CDK6: variants seen among roughly 807,000 people sequenced by gnomAD.
CDK6 encodes cyclin dependent kinase 6.
A neutral mutation model predicts 37.1 loss-of-function variants in CDK6; 6 were observed. That is an observed-to-expected ratio of 0.16 (90% CI 0.09 to 0.32). The LOEUF is 0.32. CDK6 is among the 10% of genes least tolerant of loss of function. The pLI is 1.00. For synonymous variants in CDK6, 160 were observed against 161.3 expected, an observed-to-expected ratio of 0.99 and a Z score of 0.06; for missense variants, 224 against 418.9, an observed-to-expected ratio of 0.53 and a Z score of 4.06.
At chr7:92,683,239 C>T (rs1562934580) in intron 4 of CDK6, among the ~76,000 whole-genome samples, 2 of 152,148 alleles carry the variant, frequency 1.3e-5, no homozygotes, top group South Asian at 4.1e-4. Context: ...TGAGAGGCCA[C>T]ATTATTACTC....
At chr7:92,668,333 A>G (rs1165090100) in intron 5 of CDK6, among the ~76,000 whole-genome samples, 1 of 152,218 alleles carries the variant, frequency 6.6e-6, no homozygotes, top group East Asian at 1.9e-4. Flanking sequence ...CTAACAATGC[A>G]TTTCTCAGAA....
chr7:92,675,550 T>C (rs1797183965), intron 4 of CDK6, among the ~76,000 whole-genome samples: 1 of 152,238 alleles, frequency 6.6e-6, no homozygotes, highest in Non-Finnish European at 1.5e-5. Flanking sequence ...CTTATATTCA[T>C]AAATGAGGCT....
intron 2 of CDK6, among the ~76,000 whole-genome samples, chr7:92,826,845 TTCAA>T (rs1354899198): frequency 6.6e-6 from 1 of 152,142 alleles, no homozygotes; most frequent in African/African-American, 2.4e-5. Flanking sequence ...GGTTTAAAAT[TTCAA>T]TCAATCAGGA....
At chr7:92,827,330 GA>G (rs1352901938) in intron 2 of CDK6, among the ~76,000 whole-genome samples, 15 of 152,136 alleles carry the variant, frequency 9.9e-5, no homozygotes, top group African/African-American at 3.6e-4. Flanking sequence ...AAAGCCAGTA[GA>G]TATCCAAATT....
At chr7:92,748,264 C>A (rs1484611020) in intron 3 of CDK6, among the ~76,000 whole-genome samples, 1 of 152,144 alleles carries the variant, frequency 6.6e-6, no homozygotes, top group Non-Finnish European at 1.5e-5. Flanking sequence ...GCAAAAAAGG[C>A]ATTTTATAGT....
intron 2 of CDK6, among the ~76,000 whole-genome samples, chr7:92,802,661 A>G (rs975037026): frequency 1.3e-5 from 2 of 152,212 alleles, no homozygotes; most frequent in African/African-American, 4.8e-5. Flanking sequence ...TTTACAATAT[A>G]TGATCATTTC....
chr7:92,689,693 C>T (rs1049300775), intron 4 of CDK6, among the ~76,000 whole-genome samples: 1 of 152,122 alleles, frequency 6.6e-6, no homozygotes, highest in Non-Finnish European at 1.5e-5. Flanking sequence ...GTCTTTAGGT[C>T]TTTGAGGAAT....
intron 2 of CDK6, among the ~76,000 whole-genome samples, chr7:92,776,084 TG>T (rs1488899516): frequency 1.9e-5 from 2 of 106,630 alleles, no homozygotes; most frequent in East Asian, 6.3e-4. Flanking sequence ...CGACAGGCCC[TG>T]GTGTGCGATG....
At chr7:92,802,557 T>C (rs915995400) in intron 2 of CDK6, among the ~76,000 whole-genome samples, 2 of 152,234 alleles carry the variant, frequency 1.3e-5, no homozygotes, top group African/African-American at 4.8e-5. Context: ...AGACATAAAG[T>C]GCTCGTTTAC....
chr7:92,771,132 A>G (rs1019444869), intron 3 of CDK6, among the ~76,000 whole-genome samples: 5 of 151,712 alleles, frequency 3.3e-5, no homozygotes, highest in African/African-American at 1.2e-4. Context: ...GCTACTCAGG[A>G]GGCTGAGGCA....
At chr7:92,647,632 C>T (rs1796481462) in intron 5 of CDK6, among the ~76,000 whole-genome samples, 1 of 152,234 alleles carries the variant, frequency 6.6e-6, no homozygotes, top group Non-Finnish European at 1.5e-5. Context: ...ATATAGTTCT[C>T]TGCCTCTGGG....
intron 4 of CDK6, among the ~76,000 whole-genome samples, chr7:92,700,526 A>C (rs930471432): frequency 6.6e-6 from 1 of 152,338 alleles, no homozygotes; most frequent in East Asian, 1.9e-4. Context: ...GTAGATGGTG[A>C]GGCCATCAGC....
chr7:92,730,065 A>T (rs996130608), intron 3 of CDK6, among the ~76,000 whole-genome samples: 5 of 152,192 alleles, frequency 3.3e-5, no homozygotes, highest in Admixed American at 6.5e-5. Flanking sequence ...TTCTCATTAC[A>T]AGAAAGTATG....
At chr7:92,765,474 C>T (rs1190515771) in intron 3 of CDK6, among the ~76,000 whole-genome samples, 1 of 152,080 alleles carries the variant, frequency 6.6e-6, no homozygotes, top group Non-Finnish European at 1.5e-5. Context: ...GAACTGAATG[C>T]GCAAGTGCAA....
chr7:92,782,210 G>T (rs1158837808), intron 2 of CDK6, among the ~76,000 whole-genome samples: 1 of 152,124 alleles, frequency 6.6e-6, no homozygotes, highest in Non-Finnish European at 1.5e-5. Flanking sequence ...AAAAATGCAG[G>T]TAATGATGTA....
chr7:92,711,260 G>GA (rs1798081336), intron 4 of CDK6, among the ~76,000 whole-genome samples: 1 of 152,154 alleles, frequency 6.6e-6, no homozygotes, highest in Admixed American at 6.5e-5. Flanking sequence ...TTTACACAGT[G>GA]AAAGTAAGAA....
chr7:92,618,031 A>C lies in CDK6; in HGVS notation c.834+41T>G, dbSNP rs371648032. The C allele has an allele frequency of 6.2e-6, 10 of 1,606,240 alleles. No individual in the cohort carries two copies. In the African/African-American group the frequency reaches 1.1e-4, roughly 17 times the overall value. ...CCAGTCTGGGTAGAGCAGGTGTCTC[A>C]CTGGCACAGTGCAGACGAGCTTGAC... is the stretch of plus-strand genomic sequence containing the variant. On this transcript the variant is annotated intron_variant, in intron 7 of 7. Coordinates refer to ENST00000424848, the MANE Select transcript of CDK6 (RefSeq NM_001145306.2).
chr7:92,726,326 T>C (rs1046763913), intron 3 of CDK6, among the ~76,000 whole-genome samples: 1 of 152,164 alleles, frequency 6.6e-6, no homozygotes, highest in Non-Finnish European at 1.5e-5. Flanking sequence ...AATAATATCA[T>C]TACACCATTT....
chr7:92,769,572 A>G (rs529654769), intron 3 of CDK6, among the ~76,000 whole-genome samples: 11 of 152,352 alleles, frequency 7.2e-5, no homozygotes, highest in Non-Finnish European at 1.3e-4. Context: ...AGTTTATAAA[A>G]TAGTTGAGAA....
Sources: allele counts gnomAD v4.1 joint callset (sites outside exome capture counted in the v4.1 genomes callset), GRCh38; gene constraint gnomAD v4.1.1; transcripts MANE v1.5; gene names NCBI Gene and HGNC (gene_info 2026-07-23, HGNC 2026-07-21).